The following CHD6 variants were observed in gnomAD, a reference collection of about 807,000 sequenced individuals.
The protein encoded by CHD6 is ATP-dependent chromatin remodeler CHD6.
A neutral mutation model predicts 276.9 loss-of-function variants in CHD6; 50 were observed. The ratio of observed to expected loss-of-function variants is 0.18; its 90% CI spans 0.14 to 0.23. CHD6 has a LOEUF of 0.23. Ranked by LOEUF, CHD6 falls within the 10% of genes least tolerant of loss-of-function variation. The pLI is 1.00. For synonymous variants in CHD6, 1,173 were observed against 1,229.3 expected, an observed-to-expected ratio of 0.95 and a Z score of 0.96; for missense variants, 2,564 against 3,365.8, an observed-to-expected ratio of 0.76 and a Z score of 5.89.
chr20:41,546,328 T>A (rs1297509990), intron 2 of CHD6, among the ~76,000 whole-genome samples: 1 of 152,140 alleles, frequency 6.6e-6, no homozygotes, highest in Non-Finnish European at 1.5e-5. Flanking sequence ...ACTCTTGGCA[T>A]GGGGTCAGGA....
At chr20:41,554,158 A>T (rs531896819) in intron 1 of CHD6, among the ~76,000 whole-genome samples, 1 of 152,244 alleles carries the variant, frequency 6.6e-6, no homozygotes, top group South Asian at 2.1e-4. Context: ...AAACAAACAA[A>T]ACGAAACACT....
In CHD6 at chr20:41,595,799, C is replaced by CT. The variant is rs903277910; in HGVS notation, c.-24+22540dup. On this transcript the variant is annotated intron_variant, in intron 1 of 36. Coordinates refer to ENST00000373233, the MANE Select transcript of CHD6 (RefSeq NM_032221.5). ...AACCCACCCTTGAACCCTCAGTTTGCTTTTTTTTTTGGCCAGTTTGGGTCA... is the reference window on the plus strand; with the variant it reads ...AACCCACCCTTGAACCCTCAGTTTGCTTTTTTTTTTTGGCCAGTTTGGGTCA... 2.1e-3 allele frequency among the ~76,000 whole-genome samples: 306 copies of CT among 146,134 alleles called. 5 individuals are homozygous for CT. Among genetic ancestry groups the CT allele is most frequent in the Middle Eastern group, 7.3e-3 (2 of 274 alleles).
intron 26 of CHD6, among the ~76,000 whole-genome samples, chr20:41,438,721 C>T (rs532194058): frequency 3.8e-4 from 58 of 152,268 alleles, no homozygotes; most frequent in South Asian, 6.2e-4. Flanking sequence ...AGAAAAGCCA[C>T]CCCACAAAAA....
At chr20:41,497,570 A>G (rs2043717994) in intron 7 of CHD6, 69 bp from the exon 8 acceptor site, 4 of 1,020,434 alleles carry the variant, frequency 3.9e-6, no homozygotes, top group South Asian at 2.5e-5. Flanking sequence ...AAGGTGTTCA[A>G]TAAACACGGT....
At chr20:41,454,765 G>T in intron 19 of CHD6, 29 bp from the exon 20 acceptor site, 1 of 1,505,566 alleles carries the variant, frequency 6.6e-7, no homozygotes, top group Non-Finnish European at 9.2e-7. Flanking sequence ...TTAATAAACT[G>T]TGCTTGAACA....
At chr20:41,414,096 T>C (rs1281847016) in intron 34 of CHD6, 1 of 152,218 alleles carries the variant, frequency 6.6e-6, no homozygotes, top group Admixed American at 6.5e-5. Flanking sequence ...AACTATGGTG[T>C]TGCACATCTA....
intron 1 of CHD6, among the ~76,000 whole-genome samples, chr20:41,600,116 T>C (rs2045758922): frequency 6.6e-6 from 1 of 152,230 alleles, no homozygotes; most frequent in African/African-American, 2.4e-5. Context: ...CATTTGTGTG[T>C]CTGTCTCCTT....
rs992459501 is a variant in CHD6, at chr20:41,598,441, G to A, written c.-24+19899C>T. Among the ~76,000 whole-genome samples, 14 of 152,090 alleles carry A rather than the reference G, an allele frequency of 9.2e-5. No homozygotes were observed. In the South Asian group the frequency reaches 1.0e-3, roughly 11 times the overall value. ...CTAGCACGGATTAAATATTCCGTCC[G>A]CAAACTAAACAAAAGCGACTGTTAA... On this transcript the variant is annotated intron_variant, in intron 1 of 36. Transcript: ENST00000373233.
At chr20:41,437,670 T>C (rs1569077455) in intron 26 of CHD6, among the ~76,000 whole-genome samples, 1 of 152,250 alleles carries the variant, frequency 6.6e-6, no homozygotes. Context: ...GTCAGCCGTC[T>C]GTACCCATGG....
chr20:41,453,232 C>G (rs191780062), intron 20 of CHD6, among the ~76,000 whole-genome samples: 11 of 152,134 alleles, frequency 7.2e-5, no homozygotes, highest in Admixed American at 2.6e-4. Flanking sequence ...GGCCCCCCCC[C>G]AGTGACCAAA....
chr20:41,417,370 T>C (rs1393073457), intron 31 of CHD6, 21 bp from the exon 32 acceptor site: 2 of 1,605,918 alleles, frequency 1.2e-6, no homozygotes. Flanking sequence ...GTTAAAAAAT[T>C]AATCAGGCAC....
intron 17 of CHD6, among the ~76,000 whole-genome samples, chr20:41,458,436 G>A (rs1230871585): frequency 1.3e-5 from 2 of 152,164 alleles, no homozygotes; most frequent in African/African-American, 2.4e-5. Flanking sequence ...TGGCTCATGG[G>A]AGCCTCTCTA....
chr20:41,493,765 A>G (rs1238966169), intron 9 of CHD6, 93 bp from the exon 10 acceptor site: 2 of 1,552,450 alleles, frequency 1.3e-6, no homozygotes, highest in East Asian at 4.5e-5. Context: ...CTACGTGACT[A>G]GACAGGAATA....
intron 14 of CHD6, chr20:41,486,164 T>C (rs531481181): frequency 3.9e-5 from 6 of 152,302 alleles, no homozygotes; most frequent in Admixed American, 1.3e-4. Context: ...AGCTAGCTGA[T>C]TGTTAAAGAT....
At chr20:41,425,156 C>T (rs1343533234) in intron 29 of CHD6, 22 bp downstream of exon 29, 9 of 1,602,664 alleles carry the variant, frequency 5.6e-6, no homozygotes, top group Non-Finnish European at 7.7e-6. Context: ...CTGAGCATGC[C>T]CCTTTGGCCA....
At chr20:41,513,610 G>A (rs2044173809) in intron 4 of CHD6, among the ~76,000 whole-genome samples, 1 of 152,128 alleles carries the variant, frequency 6.6e-6, no homozygotes, top group Middle Eastern at 3.2e-3. Context: ...CTCTAATTAA[G>A]AAGCTGTACC....
intron 35 of CHD6, among the ~76,000 whole-genome samples, chr20:41,413,013 G>T (rs896742837): frequency 1.3e-5 from 2 of 152,212 alleles, no homozygotes; most frequent in African/African-American, 4.8e-5. Context: ...GCAACCTAAA[G>T]ATTTCTCTAT....
Position 41,402,605 on chromosome 20 carries a change from T to C in CHD6, c.*1988A>G, listed in dbSNP as rs1404183784. 4 of 226,038 alleles carry C rather than the reference T, an allele frequency of 1.8e-5. No homozygotes were observed. The highest frequency in any genetic ancestry group is 3.5e-5 in the Non-Finnish European group (4 of 113,638). The allele number at this position is 226,038 out of a possible 1,614,324, so 14.0% of individuals were successfully genotyped here. On this transcript the variant is annotated 3_prime_UTR_variant, in exon 37 of 37. Transcript: ENST00000373233. ...GGCTTTCAAGATACAGGAATTTTTA[T>C]AGCATTTGTATTTTAAGGATTTAGG...
chr20:41,470,382 G>A (rs955783829), intron 17 of CHD6, among the ~76,000 whole-genome samples: 2 of 150,418 alleles, frequency 1.3e-5, no homozygotes, highest in Admixed American at 6.6e-5. Flanking sequence ...GATTCCTTCC[G>A]AGTTGTACAC....
Sources: allele counts gnomAD v4.1 joint callset (sites outside exome capture counted in the v4.1 genomes callset), GRCh38; gene constraint gnomAD v4.1.1; transcripts MANE v1.5; gene names NCBI Gene and HGNC (gene_info 2026-07-23, HGNC 2026-07-21).